Variants in AP4E1 observed in about 807,000 individuals in gnomAD.
The protein encoded by AP4E1 is AP-4 complex subunit epsilon-1.
A neutral mutation model predicts 128.2 loss-of-function variants in AP4E1; 56 were observed. The observed-to-expected ratio is 0.44, with a 90% CI of 0.35 to 0.55. AP4E1 has a LOEUF of 0.55. AP4E1 is among the 20% of genes least tolerant of loss of function. The pLI is 0.00. For missense variants in AP4E1, 1,324 were observed against 1,307.7 expected (o/e 1.01, Z -0.19); for synonymous variants, 484 against 473.1 (o/e 1.02, Z -0.30).
chr15:51,002,395 A>G, intron 20 of AP4E1, 107 bp from the exon 21 acceptor site: 1 of 1,184,338 alleles, frequency 8.4e-7, no homozygotes, highest in Non-Finnish European at 1.2e-6. Context: ...GGTTAGTGAT[A>G]TTGAGTATCT....
At chr15:50,938,975 G>A (rs1313914456) in intron 8 of AP4E1, among the ~76,000 whole-genome samples, 2 of 152,138 alleles carry the variant, frequency 1.3e-5, no homozygotes, top group Admixed American at 6.5e-5. Context: ...GAGGGATAAG[G>A]TGTCAGAAGA....
chr15:50,930,708 AGTAT>A, intron 6 of AP4E1, 93 bp from the exon 7 acceptor site: 1 of 1,151,710 alleles, frequency 8.7e-7, no homozygotes, highest in Non-Finnish European at 1.3e-6. Flanking sequence ...CATAAACTTA[AGTAT>A]GTATTAAGTC....
rs1296429612 is a variant in AP4E1, at chr15:50,908,730, G to C, written c.-49G>C. On this transcript the variant is annotated 5_prime_UTR_variant, in exon 1 of 21. Coordinates refer to ENST00000261842, the MANE Select transcript of AP4E1 (RefSeq NM_007347.5). ...GCAGCGGCGGCCGGGCATGAAGCCG[G>C]GCGGCTACGGGATCGCGGGCGGCGG... The C allele has an allele frequency of 1.4e-6, 2 of 1,478,546 alleles. No individual in the cohort carries two copies. Among genetic ancestry groups the C allele is most frequent in the Non-Finnish European group, 1.8e-6 (2 of 1,115,848 alleles). The allele number at this position is 1,478,546 out of a possible 1,614,324, so 91.6% of individuals were successfully genotyped here.
intron 14 of AP4E1, among the ~76,000 whole-genome samples, chr15:50,962,488 A>C (rs2064328906): frequency 6.6e-6 from 1 of 152,102 alleles, no homozygotes; most frequent in South Asian, 2.1e-4. Context: ...AAGTGCCAAG[A>C]ATATATATTG....
intron 2 of AP4E1, among the ~76,000 whole-genome samples, chr15:50,915,150 T>C (rs181376830): frequency 6.6e-6 from 1 of 152,304 alleles, no homozygotes; most frequent in East Asian, 1.9e-4. Context: ...ACCCCATGTA[T>C]CACATTATAA....
In AP4E1 at chr15:50,984,113, A is replaced by G. The variant is rs142127657; in HGVS notation, c.2058A>G (p.Val686=). 10 of 1,613,392 alleles carry G rather than the reference A, an allele frequency of 6.2e-6. No homozygotes were observed. Among genetic ancestry groups the G allele is most frequent in the African/African-American group, 1.3e-5 (1 of 75,008 alleles). Residue 686 remains valine (V), a synonymous_variant, in exon 16 of 21, where the codon GTA becomes GTG. Coordinates refer to ENST00000261842, the MANE Select transcript of AP4E1 (RefSeq NM_007347.5). ...CTGGCATTTCTCTTGGTTCAGATGTATCTGGGAATAGTGCTGAGACAGGAC... is the reference window on the plus strand; with the variant it reads ...CTGGCATTTCTCTTGGTTCAGATGTGTCTGGGAATAGTGCTGAGACAGGAC... The part of the protein sequence containing the change: ...SPAGISLGSD[V]SGNSAETGLK...
chr15:50,948,382 C>G (rs2064093706), intron 11 of AP4E1, among the ~76,000 whole-genome samples: 1 of 136,824 alleles, frequency 7.3e-6, no homozygotes. Flanking sequence ...TTCATGTAGT[C>G]CAGTATTTTG....
At chr15:50,956,863 G>A (rs1409004694) in intron 13 of AP4E1, among the ~76,000 whole-genome samples, 1 of 152,186 alleles carries the variant, frequency 6.6e-6, no homozygotes, top group African/African-American at 2.4e-5. Context: ...TGACCCCTTT[G>A]TGGGCTTTGA....
chr15:51,002,133 A>G (rs967178035), intron 20 of AP4E1, among the ~76,000 whole-genome samples: 2 of 152,148 alleles, frequency 1.3e-5, no homozygotes, highest in Admixed American at 1.3e-4. Flanking sequence ...TGCCCGCCTC[A>G]GCCTCCCAAA....
chr15:50,927,701 T>C (rs1445327611), intron 5 of AP4E1, among the ~76,000 whole-genome samples: 1 of 152,012 alleles, frequency 6.6e-6, no homozygotes, highest in Non-Finnish European at 1.5e-5. Flanking sequence ...TTTTCCGTTA[T>C]GGCATAGCTT....
chr15:50,952,576 G>A (rs747420170), intron 13 of AP4E1, among the ~76,000 whole-genome samples: 39 of 151,304 alleles, frequency 2.6e-4, no homozygotes, highest in South Asian at 6.3e-4. Context: ...TCCATACTCT[G>A]ATTTATGGAT....
At chr15:50,985,037 T>C (rs2064699707) in intron 16 of AP4E1, among the ~76,000 whole-genome samples, 2 of 152,244 alleles carry the variant, frequency 1.3e-5, no homozygotes, top group African/African-American at 4.8e-5. Context: ...GTGGTTTTGA[T>C]TTGCATTCCT....
chr15:50,974,927 A>T (rs1261338450), intron 15 of AP4E1, among the ~76,000 whole-genome samples: 1 of 151,428 alleles, frequency 6.6e-6, no homozygotes, highest in Non-Finnish European at 1.5e-5. Flanking sequence ...GTTAACCCTT[A>T]CCAGAAATGT....
intron 8 of AP4E1, among the ~76,000 whole-genome samples, chr15:50,939,205 G>A (rs1323553046): frequency 6.6e-6 from 1 of 152,160 alleles, no homozygotes; most frequent in Non-Finnish European, 1.5e-5. Context: ...GGGCAAGGTG[G>A]CTCATGCCTG....
chr15:50,996,512 G>C (rs2064877114), intron 17 of AP4E1, among the ~76,000 whole-genome samples: 1 of 152,136 alleles, frequency 6.6e-6, no homozygotes, highest in Admixed American at 6.5e-5. Flanking sequence ...CTTGAGGAGA[G>C]TGACAGAGAA....
chr15:50,958,139 G>A (rs140753635), intron 13 of AP4E1, among the ~76,000 whole-genome samples: 35 of 152,170 alleles, frequency 2.3e-4, no homozygotes, highest in East Asian at 5.8e-4. Context: ...CTCTTACTAC[G>A]TGTAGTAAGA....
intron 3 of AP4E1, among the ~76,000 whole-genome samples, chr15:50,917,827 C>T (rs2063648144): frequency 6.6e-6 from 1 of 152,196 alleles, no homozygotes; most frequent in South Asian, 2.1e-4. Flanking sequence ...AGGCCGGGTA[C>T]AGTGGCTCAT....
Position 50,941,735 on chromosome 15 carries a change from T to C in AP4E1, c.1136T>C (p.Ile379Thr), listed in dbSNP as rs373911542. The part of the protein sequence containing the change: ...TLALQHQMTI[I>T]ECLDHPDPII... ...GCTCTTCAACACCAGATGACAATAA[T>C]TGAATGTTTAGATCATCCTGATCCC... The change falls in exon 10 of 21, where the codon ATT (isoleucine) becomes ACT (threonine). Residue 379 changes from isoleucine (I) to threonine (T), a missense_variant. Transcript: ENST00000261842. 4 of 1,613,010 alleles carry C rather than the reference T, an allele frequency of 2.5e-6. No homozygotes were observed. In the African/African-American group the frequency reaches 5.3e-5, roughly 22 times the overall value.
intron 14 of AP4E1, among the ~76,000 whole-genome samples, chr15:50,967,777 T>C (rs1892151187): frequency 6.6e-6 from 1 of 152,248 alleles, no homozygotes; most frequent in African/African-American, 2.4e-5. Flanking sequence ...GATCTGATTA[T>C]AGATGTTTCA....
Sources: gnomAD v4.1 joint callset for allele counts (sites outside exome capture counted in the v4.1 genomes callset) on GRCh38, gnomAD v4.1.1 for gene constraint, MANE v1.5 for transcripts, NCBI Gene and HGNC (gene_info 2026-07-23, HGNC 2026-07-21) for gene names.